The following PTPN2 variants were observed in gnomAD, a reference collection of about 807,000 sequenced individuals.
PTPN2 encodes protein tyrosine phosphatase non-receptor type 2.
Under a neutral mutation model 57.3 loss-of-function variants are expected in PTPN2, and 19 were observed. The observed-to-expected ratio is 0.33, with a 90% CI of 0.23 to 0.49. The LOEUF is 0.49. PTPN2 is among the 20% of genes least tolerant of loss of function. The pLI is 0.99. For missense variants in PTPN2, 358 were observed against 501.1 expected (o/e 0.71, Z 2.73); for synonymous variants, 153 against 164.9 (o/e 0.93, Z 0.55).
Position 12,870,328 on chromosome 18 carries a change from T to C in PTPN2, c.70-11074A>G, listed in dbSNP as rs1288845717. The stretch of plus-strand genomic sequence containing the variant: ...ATATATACATATATATGTGTATATA[T>C]ATGTATATATATACATATATATGTG... On this transcript the variant is annotated intron_variant, in intron 1 of 8. Transcript: ENST00000309660. Among the ~76,000 whole-genome samples, 8 of 73,228 alleles carry C rather than the reference T, an allele frequency of 1.1e-4. 1 individual carries two copies. Among genetic ancestry groups the C allele is most frequent in the Non-Finnish European group, 2.0e-4 (8 of 40,338 alleles). 48.0% of individuals were successfully genotyped at this position (73,228 alleles called of 152,430 possible).
In PTPN2 at chr18:12,802,119, T is replaced by C. The variant is rs1227159710; in HGVS notation, c.891A>G (p.Leu297=). ...TTGGTGAATGATCAAAGGCAGGAGA[T>C]AAGTCTTCCTTAGAAAGTTCTTTCC... The part of the protein sequence containing the change: ...KRWKELSKED[L]SPAFDHSPNK... The change falls in exon 8 of 9, where the codon TTA becomes TTG. Residue 297 remains leucine (L), a synonymous_variant. Coordinates refer to ENST00000309660, the MANE Select transcript of PTPN2 (RefSeq NM_002828.4). 1.2e-6 allele frequency: 2 copies of C among 1,610,588 alleles called. No homozygotes were observed. The highest frequency in any genetic ancestry group is 1.7e-6 in the Non-Finnish European group (2 of 1,178,432).
intron 1 of PTPN2, chr18:12,883,609 G>C (rs2044741845): frequency 6.5e-6 from 1 of 152,780 alleles, no homozygotes; most frequent in Admixed American, 6.5e-5. Context: ...GGGGACGCCA[G>C]CTGCCCACCC....
At chr18:12,870,295 A>G (rs1199905593) in intron 1 of PTPN2, among the ~76,000 whole-genome samples, 10 of 72,518 alleles carry the variant, frequency 1.4e-4, no homozygotes, top group African/African-American at 6.0e-4. Context: ...ATATACATAT[A>G]TATGTGTATA....
intron 2 of PTPN2, among the ~76,000 whole-genome samples, chr18:12,839,926 C>T (rs2042988584): frequency 6.6e-6 from 1 of 150,512 alleles, no homozygotes; most frequent in Admixed American, 6.6e-5. Context: ...TCTTTCAATA[C>T]TGTCATCATA....
intron 2 of PTPN2, among the ~76,000 whole-genome samples, chr18:12,842,595 G>A (rs1014804893): frequency 2.0e-5 from 3 of 152,098 alleles, no homozygotes; most frequent in South Asian, 2.1e-4. Flanking sequence ...CACAGAGAAC[G>A]GCGAATGACT....
intron 2 of PTPN2, chr18:12,840,632 A>T: frequency 6.8e-7 from 1 of 1,471,800 alleles, no homozygotes; most frequent in Non-Finnish European, 9.3e-7. Context: ...TCGCACTGTC[A>T]CTCAGGGAAG....
intron 1 of PTPN2, among the ~76,000 whole-genome samples, chr18:12,870,840 T>C (rs944844909): frequency 1.3e-5 from 2 of 151,998 alleles, no homozygotes; most frequent in Non-Finnish European, 2.9e-5. Flanking sequence ...TATATTTACA[T>C]ATATTTATAT....
intron 2 of PTPN2, among the ~76,000 whole-genome samples, chr18:12,837,816 A>G (rs575089974): frequency 7.0e-4 from 106 of 152,308 alleles, no homozygotes; most frequent in African/African-American, 2.4e-3. Flanking sequence ...ATATGAAAGA[A>G]AATGTAAAAT....
intron 1 of PTPN2, chr18:12,862,037 A>C (rs2043825251): frequency 6.6e-6 from 1 of 152,130 alleles, no homozygotes; most frequent in Admixed American, 6.5e-5. Flanking sequence ...ATTCTTTCAA[A>C]TCTCCAATAT....
Position 12,852,191 on chromosome 18 carries a change from AACACACACACAC to A in PTPN2, c.160+6961_160+6972del, listed in dbSNP as rs139964591. ...CAAGAAATTTATGGTATGGGTTTTT[AACACACACACAC>A]ACACACACACACACACACACACACA... On this transcript the variant is annotated intron_variant, in intron 2 of 8. Coordinates refer to ENST00000309660, the MANE Select transcript of PTPN2 (RefSeq NM_002828.4). 8.4e-3 allele frequency among the ~76,000 whole-genome samples: 1,178 copies of A among 140,508 alleles called. 8 individuals are homozygous for A. Among genetic ancestry groups the A allele is most frequent in the African/African-American group, 0.029 (1,110 of 38,158 alleles). 92.2% of individuals were successfully genotyped at this position (140,508 alleles called of 152,430 possible).
At chr18:12,860,213 C>T (rs919608515) in intron 1 of PTPN2, among the ~76,000 whole-genome samples, 6 of 151,618 alleles carry the variant, frequency 4.0e-5, no homozygotes, top group Admixed American at 2.0e-4. Context: ...TGCTTGAACC[C>T]GGGAGGTGGA....
At chr18:12,879,590 CAG>C (rs1287196995) in intron 1 of PTPN2, among the ~76,000 whole-genome samples, 1 of 152,226 alleles carries the variant, frequency 6.6e-6, no homozygotes. Flanking sequence ...CTCAGATTAA[CAG>C]AGTCTGTTCT....
intron 2 of PTPN2, among the ~76,000 whole-genome samples, chr18:12,849,710 T>C (rs2043329270): frequency 6.6e-6 from 1 of 152,224 alleles, no homozygotes; most frequent in African/African-American, 2.4e-5. Context: ...TCTACATCTA[T>C]ATTCACTTGC....
chr18:12,800,789 G>A (rs186110564), intron 8 of PTPN2, among the ~76,000 whole-genome samples: 21 of 152,272 alleles, frequency 1.4e-4, no homozygotes, highest in African/African-American at 4.8e-4. Flanking sequence ...ATTCAGAGAT[G>A]CAGGAGAGAG....
Position 12,870,459 on chromosome 18 carries a change from ATAT to A in PTPN2, c.70-11208_70-11206del, listed in dbSNP as rs1402891994. 3.1e-5 allele frequency among the ~76,000 whole-genome samples: 2 copies of A among 65,126 alleles called. 1 individual carries two copies. Among genetic ancestry groups the A allele is most frequent in the Non-Finnish European group, 5.0e-5 (2 of 40,238 alleles). The allele number at this position is 65,126 out of a possible 152,430, so 42.7% of individuals were successfully genotyped here. A position where few individuals can be genotyped will look rare whatever the true frequency, so the allele number is the denominator to read the frequency against. ...TATATGTGTATATATATATATATAT[ATAT>A]AGAGAGAGAGAGAGAGAGAGAGAGA... On this transcript the variant is annotated intron_variant, in intron 1 of 8. Coordinates refer to ENST00000309660, the MANE Select transcript of PTPN2 (RefSeq NM_002828.4).
chr18:12,826,445 T>C (rs928470988), intron 4 of PTPN2, among the ~76,000 whole-genome samples: 1 of 152,144 alleles, frequency 6.6e-6, no homozygotes, highest in African/African-American at 2.4e-5. Flanking sequence ...TAAAGCATTT[T>C]TTATGTGTGT....
At chr18:12,813,039 T>C (rs1353235970) in intron 7 of PTPN2, among the ~76,000 whole-genome samples, 1 of 146,420 alleles carries the variant, frequency 6.8e-6, no homozygotes, top group African/African-American at 2.5e-5. Context: ...AAAAAAGCAG[T>C]GGTAGGAAAG....
At chr18:12,796,273 T>C (rs1298839965) in intron 8 of PTPN2, among the ~76,000 whole-genome samples, 1 of 152,206 alleles carries the variant, frequency 6.6e-6, no homozygotes, top group Non-Finnish European at 1.5e-5. Flanking sequence ...GAAGTTGGGA[T>C]CAGGAAAATG....
chr18:12,874,423 C>T (rs1361166070), intron 1 of PTPN2, among the ~76,000 whole-genome samples: 3 of 148,010 alleles, frequency 2.0e-5, no homozygotes, highest in African/African-American at 2.5e-5. Context: ...GATCAGCCCC[C>T]GCCCGGCCTG....
Sources: allele counts gnomAD v4.1 joint callset (sites outside exome capture counted in the v4.1 genomes callset), GRCh38; gene constraint gnomAD v4.1.1; transcripts MANE v1.5; gene names NCBI Gene and HGNC (gene_info 2026-07-23, HGNC 2026-07-21).